ANO6: variants seen among roughly 807,000 people sequenced by gnomAD.
ANO6 encodes the protein anoctamin 6.
In ANO6, 106 loss-of-function variants were observed where a neutral mutation model predicts 117.5. That is an observed-to-expected ratio of 0.90 (90% CI 0.77 to 1.06). ANO6 has a LOEUF of 1.06. ANO6 is among the 50% of genes least tolerant of loss of function. ANO6 has a pLI of 0.00. For synonymous variants in ANO6, 367 were observed against 385.1 expected (o/e 0.95, Z 0.55); for missense variants, 955 against 1,121.1 (o/e 0.85, Z 2.12).
Position 45,348,754 on chromosome 12 carries a change from A to G in ANO6, c.747+123A>G, listed in dbSNP as rs150312117. Reference sequence around the variant, plus strand: ...AGTAAAATGAAGGGAACATACTGCAAGATTACAAGCTCATTTAGGGTAAGA... The same window carrying G: ...AGTAAAATGAAGGGAACATACTGCAGGATTACAAGCTCATTTAGGGTAAGA... On this transcript the variant is annotated intron_variant, in intron 6 of 19. Coordinates refer to ENST00000320560, the MANE Select transcript of ANO6 (RefSeq NM_001025356.3). The G allele has an allele frequency of 1.3e-3, 1,021 of 767,516 alleles. 5 individuals are homozygous for G. The African/African-American group carries it at 0.016, about 12-fold the overall frequency. The allele number at this position is 767,516 out of a possible 1,614,324, so 47.5% of individuals were successfully genotyped here.
chr12:45,324,990 C>A (rs1940411028), intron 2 of ANO6, among the ~76,000 whole-genome samples: 1 of 152,126 alleles, frequency 6.6e-6, no homozygotes, highest in Non-Finnish European at 1.5e-5. Flanking sequence ...GAGTCGTGAC[C>A]AGTTTTGTGG....
intron 15 of ANO6, among the ~76,000 whole-genome samples, chr12:45,404,290 A>G (rs1370401494): frequency 6.6e-6 from 1 of 152,220 alleles, no homozygotes; most frequent in Non-Finnish European, 1.5e-5. Flanking sequence ...CTAAGATTTC[A>G]TTGCCCTTTA....
chr12:45,347,628 A>G (rs1352770654), intron 4 of ANO6: 2 of 211,144 alleles, frequency 9.5e-6, no homozygotes, highest in African/African-American at 4.7e-5. Flanking sequence ...ATAATATGAT[A>G]TTGAACAGAT....
At chr12:45,379,870 G>A (rs1320029283) in intron 10 of ANO6, among the ~76,000 whole-genome samples, 1 of 152,186 alleles carries the variant, frequency 6.6e-6, no homozygotes, top group African/African-American at 2.4e-5. Flanking sequence ...AGCATCGTAT[G>A]TATATTTTTA....
intron 1 of ANO6, among the ~76,000 whole-genome samples, chr12:45,257,078 A>G (rs1411907321): frequency 1.3e-5 from 2 of 152,126 alleles, no homozygotes; most frequent in Non-Finnish European, 2.9e-5. Flanking sequence ...CAAGAAGTCT[A>G]GGGGCAGTAT....
intron 2 of ANO6, among the ~76,000 whole-genome samples, chr12:45,306,544 G>GT (rs1939675581): frequency 6.6e-6 from 1 of 152,116 alleles, no homozygotes; most frequent in African/African-American, 2.4e-5. Flanking sequence ...GAGATTTTGT[G>GT]TAACTGACTC....
At chr12:45,258,285 C>T (rs940187789) in intron 1 of ANO6, among the ~76,000 whole-genome samples, 1 of 152,160 alleles carries the variant, frequency 6.6e-6, no homozygotes, top group Non-Finnish European at 1.5e-5. Context: ...AAGTAGAATA[C>T]AAACCACAGT....
intron 1 of ANO6, among the ~76,000 whole-genome samples, chr12:45,245,783 A>G (rs1310721590): frequency 6.6e-6 from 1 of 152,146 alleles, no homozygotes; most frequent in African/African-American, 2.4e-5. Context: ...TGGAAATCTT[A>G]TGATTTCAAG....
chr12:45,376,856 A>C (rs1333571770), intron 9 of ANO6, among the ~76,000 whole-genome samples: 1 of 150,200 alleles, frequency 6.7e-6, no homozygotes, highest in Admixed American at 6.6e-5. Flanking sequence ...GTATAATAAT[A>C]AAAGAAAAAA....
rs1004071328 is a variant in ANO6 at position 45,430,003 on chromosome 12, G to A, written c.*692G>A. ...CAGTGACACTTTTTATCTTCCAGGAGCACTCCTAGGAGGTTCCGTGCCTAA... is the reference window on the plus strand; with the variant it reads ...CAGTGACACTTTTTATCTTCCAGGAACACTCCTAGGAGGTTCCGTGCCTAA... On this transcript the variant is annotated 3_prime_UTR_variant, in exon 20 of 20. Coordinates refer to ENST00000320560, the MANE Select transcript of ANO6 (RefSeq NM_001025356.3). The A allele has an allele frequency of 2.2e-5, 22 of 985,996 alleles. No homozygotes were observed. In the African/African-American group the frequency reaches 3.8e-4, roughly 17 times the overall value. 61.1% of individuals were successfully genotyped at this position (985,996 alleles called of 1,614,324 possible).
At chr12:45,391,150 C>A (rs1013368559) in intron 12 of ANO6, among the ~76,000 whole-genome samples, 2 of 151,886 alleles carry the variant, frequency 1.3e-5, no homozygotes, top group African/African-American at 4.8e-5. Context: ...TCTAGGAATA[C>A]CCTTAACAAA....
chr12:45,432,258 A>G lies in ANO6; in HGVS notation c.*2947A>G. 1.0e-6 allele frequency: 1 copy of G among 954,134 alleles called. No individual in the cohort carries two copies. Among genetic ancestry groups the G allele is most frequent in the East Asian group, 1.2e-4 (1 of 8,466 alleles). The allele number at this position is 954,134 out of a possible 1,614,324, so 59.1% of individuals were successfully genotyped here. A position where few individuals can be genotyped will look rare whatever the true frequency, so the allele number is the denominator to read the frequency against. On this transcript the variant is annotated 3_prime_UTR_variant, in exon 20 of 20. Transcript: ENST00000320560. The stretch of plus-strand genomic sequence containing the variant: ...TTAATGTTAATTTCTGTGCATTTTA[A>G]TATTCTTTTATAATTATTAATGTTA...
chr12:45,251,905 A>G (rs1288393071), intron 1 of ANO6, among the ~76,000 whole-genome samples: 1 of 152,216 alleles, frequency 6.6e-6, no homozygotes, highest in East Asian at 1.9e-4. Context: ...CTGATGATCA[A>G]AAATAACACC....
chr12:45,257,938 C>T (rs1475918227), intron 1 of ANO6, among the ~76,000 whole-genome samples: 6 of 151,844 alleles, frequency 4.0e-5, no homozygotes, highest in African/African-American at 1.5e-4. Context: ...GTTTTTTTTC[C>T]AGGTTTATTT....
In ANO6 at chr12:45,432,268, ATAAT is replaced by A; in HGVS notation, c.*2960_*2963del. ...TTTCTGTGCATTTTAATATTCTTTT[ATAAT>A]TATTAATGTTAATTTCTGTGCATTT... On this transcript the variant is annotated 3_prime_UTR_variant, in exon 20 of 20. Coordinates refer to ENST00000320560, the MANE Select transcript of ANO6 (RefSeq NM_001025356.3). The A allele has an allele frequency of 1.1e-6, 1 of 943,224 alleles. No homozygotes were observed. Among genetic ancestry groups the A allele is most frequent in the Non-Finnish European group, 1.3e-6 (1 of 792,130 alleles). The allele number at this position is 943,224 out of a possible 1,614,324, so 58.4% of individuals were successfully genotyped here. A position where few individuals can be genotyped will look rare whatever the true frequency, so the allele number is the denominator to read the frequency against.
chr12:45,377,903 TTGAA>T (rs1942071179), intron 9 of ANO6, 146 bp from the exon 10 acceptor site: 11 of 759,772 alleles, frequency 1.4e-5, no homozygotes, highest in Non-Finnish European at 2.3e-5. Context: ...AGTGGATACA[TTGAA>T]TGATGTATGA....
chr12:45,316,392 G>A (rs1167361148), intron 2 of ANO6, among the ~76,000 whole-genome samples: 1 of 152,052 alleles, frequency 6.6e-6, no homozygotes, highest in East Asian at 1.9e-4. Context: ...AGCTAGCTGC[G>A]GGACCAGGGA....
At chr12:45,292,913 T>C (rs752598205) in intron 1 of ANO6, 6 of 1,551,426 alleles carry the variant, frequency 3.9e-6, no homozygotes, top group Non-Finnish European at 5.2e-6. Context: ...TTTGTTCTGC[T>C]GTGGAATGTT....
In ANO6 at chr12:45,368,577, C is replaced by T. The variant is rs74080844; in HGVS notation, c.1104+784C>T. Among the ~76,000 whole-genome samples, 986 of 152,222 alleles carry T rather than the reference C, an allele frequency of 6.5e-3. 13 individuals carry two copies. Among genetic ancestry groups the T allele is most frequent in the African/African-American group, 0.022 (899 of 41,534 alleles). On this transcript the variant is annotated intron_variant, in intron 9 of 19. Coordinates refer to ENST00000320560, the MANE Select transcript of ANO6 (RefSeq NM_001025356.3). ...TTCTTAAAATTTGGGAGGTTTCAGA[C>T]GAGCATGAAGAATGGAGGGAGCTTA... is the stretch of plus-strand genomic sequence containing the variant.
Sources: gnomAD v4.1 joint callset for allele counts (sites outside exome capture counted in the v4.1 genomes callset) on GRCh38, gnomAD v4.1.1 for gene constraint, MANE v1.5 for transcripts, NCBI Gene and HGNC (gene_info 2026-07-23, HGNC 2026-07-21) for gene names.